The following CD109 variants were observed in gnomAD, a reference collection of about 807,000 sequenced individuals.
CD109 encodes the protein CD109 antigen.
Under a neutral mutation model 165.8 loss-of-function variants are expected in CD109, and 149 were observed. That is an observed-to-expected ratio of 0.90 (90% CI 0.79 to 1.03). CD109 has a LOEUF of 1.03. Among genes scored for constraint, CD109 ranks in the 50% least tolerant of loss-of-function variants. The pLI, the probability that CD109 is intolerant of heterozygous loss-of-function variation, is 0.00. For synonymous variants in CD109, 585 were observed against 592.1 expected, an observed-to-expected ratio of 0.99 and a Z score of 0.18; for missense variants, 1,712 against 1,677.8, an observed-to-expected ratio of 1.02 and a Z score of -0.36.
intron 18 of CD109, among the ~76,000 whole-genome samples, chr6:73,783,302 C>T (rs1774573106): frequency 6.6e-6 from 1 of 152,168 alleles, no homozygotes; most frequent in African/African-American, 2.4e-5. Flanking sequence ...CTTGAGTTAA[C>T]ACATGAGTGA....
At chr6:73,752,805 T>C (rs1182489168) in intron 5 of CD109, among the ~76,000 whole-genome samples, 1 of 152,190 alleles carries the variant, frequency 6.6e-6, no homozygotes, top group Non-Finnish European at 1.5e-5. Flanking sequence ...TTCCAGTTGT[T>C]GGCAGAGTGA....
intron 5 of CD109, among the ~76,000 whole-genome samples, chr6:73,748,918 A>T (rs1202801125): frequency 1.3e-5 from 2 of 152,228 alleles, no homozygotes; most frequent in Non-Finnish European, 2.9e-5. Context: ...CTTTTACAGG[A>T]TGATATTTCC....
intron 5 of CD109, among the ~76,000 whole-genome samples, chr6:73,740,614 TTTTC>T: frequency 2.9e-5 from 4 of 136,328 alleles, no homozygotes; most frequent in Admixed American, 1.5e-4. Flanking sequence ...TTTTTTTTTT[TTTTC>T]GAGACAGAGT....
At chr6:73,807,335 G>A (rs1463614357) in intron 25 of CD109, among the ~76,000 whole-genome samples, 1 of 152,148 alleles carries the variant, frequency 6.6e-6, no homozygotes, top group Non-Finnish European at 1.5e-5. Flanking sequence ...GGTAAGATAA[G>A]TCAATACATG....
At position 73,827,632 on chromosome 6, in the gene CD109, G is replaced by T. The variant is rs1261179560; in HGVS notation, c.*3999G>T. On this transcript the variant is annotated 3_prime_UTR_variant, in exon 33 of 33. Transcript: ENST00000287097. ...AGTAAGTATATATCAGTGAGAGTAG[G>T]CTTGTTTTACAACTATTTCTAGCCA... The T allele has an allele frequency of 2.6e-5, 4 of 152,054 alleles. No individual in the cohort carries two copies. Among genetic ancestry groups the T allele is most frequent in the African/African-American group, 7.2e-5 (3 of 41,422 alleles). The allele number at this position is 152,054 out of a possible 1,614,324, so 9.4% of individuals were successfully genotyped here.
At chr6:73,712,066 C>T (rs897132564) in intron 2 of CD109, among the ~76,000 whole-genome samples, 5 of 152,158 alleles carry the variant, frequency 3.3e-5, no homozygotes, top group African/African-American at 1.2e-4. Flanking sequence ...AAAAATTAGC[C>T]GGGTATGGTG....
intron 23 of CD109, among the ~76,000 whole-genome samples, chr6:73,794,862 C>T (rs148836298): frequency 4.3e-4 from 65 of 151,990 alleles, no homozygotes; most frequent in African/African-American, 1.5e-3. Context: ...TAAAATTATC[C>T]CTGTTTATAC....
chr6:73,776,917 A>C (rs1774268787), intron 15 of CD109, among the ~76,000 whole-genome samples: 1 of 150,122 alleles, frequency 6.7e-6, no homozygotes, highest in South Asian at 2.1e-4. Flanking sequence ...TTTTTCTCAT[A>C]TGATTGTAGG....
At chr6:73,744,857 A>G (rs968858531) in intron 5 of CD109, among the ~76,000 whole-genome samples, 10 of 152,300 alleles carry the variant, frequency 6.6e-5, no homozygotes, top group East Asian at 5.8e-4. Context: ...GTGTTCATCA[A>G]TGAAATGGAG....
At chr6:73,770,563 G>A (rs1031368502) in intron 14 of CD109, among the ~76,000 whole-genome samples, 2 of 152,078 alleles carry the variant, frequency 1.3e-5, no homozygotes, top group Admixed American at 1.3e-4. Flanking sequence ...TGGCCAACAT[G>A]GTGAAACCCT....
At chr6:73,713,817 C>CAATT (rs1253081942) in intron 2 of CD109, among the ~76,000 whole-genome samples, 1 of 152,186 alleles carries the variant, frequency 6.6e-6, no homozygotes, top group Non-Finnish European at 1.5e-5. Flanking sequence ...GCTTGGCCTC[C>CAATT]AATTAGTCAA....
chr6:73,712,841 TA>T (rs1330035566), intron 2 of CD109, among the ~76,000 whole-genome samples: 3 of 152,162 alleles, frequency 2.0e-5, no homozygotes, highest in Non-Finnish European at 4.4e-5. Context: ...ATTGGAGTTT[TA>T]TAAAGTTATC....
At chr6:73,750,039 T>C (rs1258448686) in intron 5 of CD109, among the ~76,000 whole-genome samples, 3 of 152,098 alleles carry the variant, frequency 2.0e-5, no homozygotes, top group African/African-American at 4.8e-5. Context: ...ATACCTTCAG[T>C]GTTAGTAAGT....
chr6:73,766,883 G>T, intron 12 of CD109, 23 bp downstream of exon 12: 1 of 1,607,338 alleles, frequency 6.2e-7, no homozygotes, highest in Non-Finnish European at 8.5e-7. Context: ...ATTCACTTGA[G>T]AATTACAATA....
At chr6:73,716,798 C>T (rs1011301365) in intron 2 of CD109, among the ~76,000 whole-genome samples, 2 of 152,288 alleles carry the variant, frequency 1.3e-5, no homozygotes, top group East Asian at 1.9e-4. Context: ...TCCCATTTGT[C>T]GATTTTTGCT....
At chr6:73,793,428 T>C (rs945937109) in intron 23 of CD109, among the ~76,000 whole-genome samples, 4 of 152,186 alleles carry the variant, frequency 2.6e-5, no homozygotes, top group African/African-American at 9.7e-5. Flanking sequence ...CTAACATGAG[T>C]TGAGTGTGCA....
chr6:73,727,682 C>T (rs1001325697), intron 3 of CD109, among the ~76,000 whole-genome samples: 1 of 152,122 alleles, frequency 6.6e-6, no homozygotes, highest in Non-Finnish European at 1.5e-5. Context: ...AATTTGACAT[C>T]AGTCTTCAAT....
At chr6:73,728,733 TG>T (rs886896988) in intron 3 of CD109, among the ~76,000 whole-genome samples, 24 of 152,342 alleles carry the variant, frequency 1.6e-4, no homozygotes, top group African/African-American at 5.3e-4. Context: ...AAATCCCCTT[TG>T]AGCTATCTGT....
At chr6:73,761,800 C>A (rs975544734) in intron 7 of CD109, among the ~76,000 whole-genome samples, 2 of 152,000 alleles carry the variant, frequency 1.3e-5, no homozygotes, top group Non-Finnish European at 2.9e-5. Flanking sequence ...GGATTACAGG[C>A]ATGAGCCACC....
Sources: allele counts gnomAD v4.1 joint callset (sites outside exome capture counted in the v4.1 genomes callset), GRCh38; gene constraint gnomAD v4.1.1; transcripts MANE v1.5; gene names NCBI Gene and HGNC (gene_info 2026-07-23, HGNC 2026-07-21).